The following CD44 variants were observed in gnomAD, a reference collection of about 807,000 sequenced individuals.
CD44 encodes CD44 molecule (IN blood group).
A neutral mutation model predicts 88.8 loss-of-function variants in CD44; 49 were observed. The ratio of observed to expected loss-of-function variants is 0.55; its 90% confidence interval spans 0.44 to 0.70. The LOEUF (loss-of-function observed/expected upper bound fraction) is 0.70. Ranked by LOEUF, CD44 falls within the 30% of genes least tolerant of loss-of-function variation. CD44 has a pLI of 0.00. For synonymous variants in CD44, 325 were observed against 312.3 expected (o/e 1.04, Z -0.43); for missense variants, 883 against 913.8 (o/e 0.97, Z 0.43).
At chr11:35,203,552 A>G (rs1352151597) in intron 9 of CD44, among the ~76,000 whole-genome samples, 1 of 152,090 alleles carries the variant, frequency 6.6e-6, no homozygotes, top group East Asian at 1.9e-4. Context: ...TGGCCGATGG[A>G]AGGGTAAAAT....
Position 35,180,361 on chromosome 11 carries a change from C to T in CD44, c.321C>T (p.Leu107=), listed in dbSNP as rs988786915. ...CAANNTGVYI[L]TSNTSQYDTY... is the part of the protein sequence containing the mutation. ...CAAACAACACAGGGGTGTACATCCT[C>T]ACATCCAACACCTCCCAGTATGACA... Residue 107 remains leucine, a synonymous_variant, in exon 3 of 18, where the codon CTC becomes CTT. Coordinates refer to ENST00000428726, the MANE Select transcript of CD44 (RefSeq NM_000610.4). The T allele has an allele frequency of 1.2e-6, 2 of 1,614,046 alleles. No individual in the cohort carries two copies. The highest frequency in any genetic ancestry group is 1.7e-6 in the Non-Finnish European group (2 of 1,179,984).
At chr11:35,190,512 G>A (rs1372861802) in intron 5 of CD44, 1 of 168,508 alleles carries the variant, frequency 5.9e-6, no homozygotes, top group Admixed American at 5.6e-5. Context: ...ACCCACTTAT[G>A]CCTGAGGTTG....
intron 1 of CD44, among the ~76,000 whole-genome samples, chr11:35,173,185 G>A (rs1565060842): frequency 1.3e-5 from 2 of 152,228 alleles, no homozygotes; most frequent in Admixed American, 6.5e-5. Context: ...AGTGACAGCA[G>A]CCACCTGGGC....
At chr11:35,155,721 A>C (rs1191494597) in intron 1 of CD44, among the ~76,000 whole-genome samples, 1 of 152,222 alleles carries the variant, frequency 6.6e-6, no homozygotes, top group African/African-American at 2.4e-5. Context: ...TACACCATGC[A>C]TGAGGACCGC....
chr11:35,201,271 G>A (rs1215029407), intron 8 of CD44, 76 bp downstream of exon 8: 4 of 1,004,452 alleles, frequency 4.0e-6, no homozygotes, highest in Non-Finnish European at 6.4e-6. Flanking sequence ...CAATCATCGA[G>A]GCACAGTGGG....
intron 1 of CD44, among the ~76,000 whole-genome samples, chr11:35,164,984 TTTGA>T (rs938183033): frequency 6.6e-6 from 1 of 152,204 alleles, no homozygotes. Context: ...CCATCGTCAC[TTTGA>T]TTGGCCCCTA....
rs1320148013 is a variant in CD44 at position 35,139,704 on chromosome 11, A to G, written c.67+334A>G. 7 of 555,878 alleles carry G rather than the reference A, an allele frequency of 1.3e-5. No individual in the cohort carries two copies. In the African/African-American group the frequency reaches 1.3e-4, roughly 10 times the overall value. The allele number at this position is 555,878 out of a possible 1,614,324, so 34.4% of individuals were successfully genotyped here. On this transcript the variant is annotated intron_variant, in intron 1 of 17. Coordinates refer to ENST00000428726, the MANE Select transcript of CD44 (RefSeq NM_000610.4). ...ATGCGCACAGTCGTTGTCTGGACTA[A>G]CAGGCTCCTGTGCCCAAGGGCTCGC...
At chr11:35,166,530 C>G (rs1464306780) in intron 1 of CD44, among the ~76,000 whole-genome samples, 1 of 152,166 alleles carries the variant, frequency 6.6e-6, no homozygotes, top group Non-Finnish European at 1.5e-5. Context: ...ATTTGGTGGC[C>G]TTGGCTGAAG....
At chr11:35,157,213 G>A (rs2133263955) in intron 1 of CD44, among the ~76,000 whole-genome samples, 1 of 152,218 alleles carries the variant, frequency 6.6e-6, no homozygotes. Flanking sequence ...TCAGTATTGG[G>A]GTGATTTTGA....
intron 5 of CD44, among the ~76,000 whole-genome samples, chr11:35,195,773 T>C (rs1946682229): frequency 3.9e-5 from 6 of 152,130 alleles, no homozygotes; most frequent in Admixed American, 3.9e-4. Context: ...AGCAAGATCA[T>C]TGGGGTCACT....
At chr11:35,198,459 G>A in intron 7 of CD44, 2 of 511,408 alleles carry the variant, frequency 3.9e-6, no homozygotes, top group Non-Finnish European at 6.9e-6. Flanking sequence ...CTTGTCTCAT[G>A]TTCTTCCTGT....
intron 11 of CD44, among the ~76,000 whole-genome samples, 174 bp from the exon 12 acceptor site, chr11:35,207,931 G>A (rs1246252431): frequency 6.6e-6 from 1 of 152,180 alleles, no homozygotes; most frequent in Non-Finnish European, 1.5e-5. Flanking sequence ...GTTACTTGTT[G>A]TGGTGCTCTT....
chr11:35,199,720 C>G (rs1947108183), intron 7 of CD44, among the ~76,000 whole-genome samples: 1 of 152,004 alleles, frequency 6.6e-6, no homozygotes, highest in South Asian at 2.1e-4. Context: ...CTTTTGGTAA[C>G]TTCAGAACAA....
At chr11:35,194,768 G>A (rs571626421) in intron 5 of CD44, among the ~76,000 whole-genome samples, 3 of 152,306 alleles carry the variant, frequency 2.0e-5, no homozygotes, top group East Asian at 1.9e-4. Flanking sequence ...GAATCAGAAT[G>A]ATTTTTCCAT....
intron 14 of CD44, among the ~76,000 whole-genome samples, chr11:35,213,103 C>T (rs914640411): frequency 1.8e-4 from 27 of 151,678 alleles, no homozygotes; most frequent in Non-Finnish European, 2.2e-4. Context: ...GGATTACAGA[C>T]GTGAGCCACC....
intron 17 of CD44, chr11:35,222,950 C>G: frequency 6.1e-6 from 6 of 985,356 alleles, no homozygotes; most frequent in Non-Finnish European, 7.2e-6. Context: ...TTTTGGAAAG[C>G]AACCAACAGC....
chr11:35,139,534 C>G (rs747912398), intron 1 of CD44, 164 bp downstream of exon 1: 4 of 776,984 alleles, frequency 5.1e-6, no homozygotes, highest in Admixed American at 3.4e-5. Flanking sequence ...TGCGCTAAAC[C>G]GTTGGAGAAT....
chr11:35,201,005 C>T lies in CD44; in HGVS notation c.923-77C>T, dbSNP rs1947261965. 3 of 1,014,156 alleles carry T rather than the reference C, an allele frequency of 3.0e-6. No homozygotes were observed. In the East Asian group the frequency reaches 7.1e-5, roughly 24 times the overall value. The allele number at this position is 1,014,156 out of a possible 1,614,324, so 62.8% of individuals were successfully genotyped here. ...TGATTCATTGCATAGCCTACAGAAG[C>T]AAGACTATGTGCGGGACAAGTGGCG... On this transcript the variant is annotated intron_variant, in intron 7 of 17. Coordinates refer to ENST00000428726, the MANE Select transcript of CD44 (RefSeq NM_000610.4).
chr11:35,167,569 T>C (rs573614704), intron 1 of CD44, among the ~76,000 whole-genome samples: 2 of 152,316 alleles, frequency 1.3e-5, no homozygotes, highest in South Asian at 4.1e-4. Flanking sequence ...GAATCCTGGC[T>C]TTTTAATGAT....
Sources: allele counts gnomAD v4.1 joint callset (sites outside exome capture counted in the v4.1 genomes callset), GRCh38; gene constraint gnomAD v4.1.1; transcripts MANE v1.5; gene names NCBI Gene and HGNC (gene_info 2026-07-23, HGNC 2026-07-21).